Variants in IGF1 observed in about 807,000 individuals in gnomAD.
IGF1 encodes the protein insulin-like growth factor 1.
IGF1 carries 4 observed loss-of-function variants against 13.8 expected under a neutral mutation model. That is an observed-to-expected ratio of 0.29 (90% CI 0.14 to 0.66). The LOEUF (loss-of-function observed/expected upper bound fraction) is 0.66. Among genes scored for constraint, IGF1 ranks in the 30% least tolerant of loss-of-function variants. The pLI is 0.78. For missense variants in IGF1, 124 were observed against 188.5 expected, an observed-to-expected ratio of 0.66 and a Z score of 2.00; for synonymous variants, 76 against 72.6, an observed-to-expected ratio of 1.05 and a Z score of -0.23.
intron 3 of IGF1, among the ~76,000 whole-genome samples, chr12:102,414,202 T>C (rs1874887702): frequency 6.6e-6 from 1 of 151,930 alleles, no homozygotes; most frequent in South Asian, 2.1e-4. Flanking sequence ...ATGCACACAC[T>C]ACACTCACAC....
chr12:102,439,782 G>A (rs1044211504), intron 2 of IGF1, among the ~76,000 whole-genome samples: 15 of 150,554 alleles, frequency 1.0e-4, no homozygotes, highest in African/African-American at 3.7e-4. Context: ...AAAAAGAAAA[G>A]GCTAAGAAGT....
At chr12:102,471,155 T>A (rs551573508) in intron 2 of IGF1, among the ~76,000 whole-genome samples, 1 of 152,252 alleles carries the variant, frequency 6.6e-6, no homozygotes, top group East Asian at 1.9e-4. Flanking sequence ...CTGGGTGGAA[T>A]CTCCTATCTC....
chr12:102,473,993 C>G (rs1041008720), intron 2 of IGF1, among the ~76,000 whole-genome samples: 1 of 152,124 alleles, frequency 6.6e-6, no homozygotes, highest in African/African-American at 2.4e-5. Flanking sequence ...CACTTCTAGG[C>G]TTGGCAATTA....
At chr12:102,404,686 A>G (rs1873982245) in intron 3 of IGF1, among the ~76,000 whole-genome samples, 1 of 151,968 alleles carries the variant, frequency 6.6e-6, no homozygotes, top group Non-Finnish European at 1.5e-5. Context: ...ACAAAAGACC[A>G]CTTAAGATAC....
At chr12:102,457,192 C>A (rs1276154075) in intron 2 of IGF1, among the ~76,000 whole-genome samples, 1 of 152,164 alleles carries the variant, frequency 6.6e-6, no homozygotes, top group Non-Finnish European at 1.5e-5. Flanking sequence ...TTCAAATATA[C>A]CCAGACATTC....
At chr12:102,420,633 C>A (rs1213074053) in intron 2 of IGF1, among the ~76,000 whole-genome samples, 1 of 152,058 alleles carries the variant, frequency 6.6e-6, no homozygotes, top group Non-Finnish European at 1.5e-5. Context: ...CTCTTACCAC[C>A]CCAAGAGGCC....
intron 3 of IGF1, among the ~76,000 whole-genome samples, chr12:102,403,464 T>G (rs909156356): frequency 2.1e-5 from 3 of 142,536 alleles, no homozygotes; most frequent in Admixed American, 1.4e-4. Flanking sequence ...ATAGTGAGGG[T>G]TTTTTTTTTT....
At position 102,402,135 on chromosome 12, in the gene IGF1, T is replaced by G. The variant is rs895872210; in HGVS notation, c.*372A>C. On this transcript the variant is annotated 3_prime_UTR_variant, in exon 4 of 4. Transcript: ENST00000337514. ...CACTTAGACAAGGTTGCTGAATGAA[T>G]GGCTCCAGCAGCCAAGATTCAGAGA... is the stretch of plus-strand genomic sequence containing the variant. The G allele has an allele frequency of 1.3e-5, 2 of 157,420 alleles. No homozygotes were observed. The highest frequency in any genetic ancestry group is 1.3e-4 in the Admixed American group (2 of 15,732). 9.8% of individuals were successfully genotyped at this position (157,420 alleles called of 1,614,324 possible). A position where few individuals can be genotyped will look rare whatever the true frequency, so the allele number is the denominator to read the frequency against.
chr12:102,407,224 T>A (rs1347249865), intron 3 of IGF1, among the ~76,000 whole-genome samples: 7 of 150,636 alleles, frequency 4.6e-5, no homozygotes, highest in African/African-American at 1.7e-4. Context: ...TATCACTGAA[T>A]CCTTACAATC....
chr12:102,402,635 G>A (rs1414505569), intron 3 of IGF1, 69 bp from the exon 4 acceptor site: 4 of 775,892 alleles, frequency 5.2e-6, no homozygotes, highest in South Asian at 1.3e-5. Flanking sequence ...TTCTAACATT[G>A]GGCCTCAACC....
chr12:102,441,906 G>GCTGCTGCTTCTGCTTCTTCTT, intron 2 of IGF1, among the ~76,000 whole-genome samples: 2 of 100,292 alleles, frequency 2.0e-5, no homozygotes, highest in East Asian at 3.1e-4. Context: ...CTATTACACT[G>GCTGCTGCTTCTGCTTCTTCTT]CTTCTTCTCC....
rs57468885 is a variant in IGF1, at chr12:102,407,094, C to CAAAAA, written c.403-4533_403-4529dup. 7.1e-4 allele frequency among the ~76,000 whole-genome samples: 72 copies of CAAAAA among 100,958 alleles called. 1 individual carries two copies. The highest frequency in any genetic ancestry group is 1.1e-3 in the Non-Finnish European group (58 of 52,944). The allele number at this position is 100,958 out of a possible 152,430, so 66.2% of individuals were successfully genotyped here. On this transcript the variant is annotated intron_variant, in intron 3 of 3. Coordinates refer to ENST00000337514, the MANE Select transcript of IGF1 (RefSeq NM_000618.5). The stretch of plus-strand genomic sequence containing the variant: ...TGGCGACAGAGTAAAACTCTGTCTC[C>CAAAAA]AAAAAAAAAAAAAAAAAAAAAAAAA...
chr12:102,408,793 C>A (rs1188881650), intron 3 of IGF1, among the ~76,000 whole-genome samples: 9 of 152,146 alleles, frequency 5.9e-5, no homozygotes, highest in Non-Finnish European at 1.2e-4. Context: ...GATGACTTTG[C>A]TGAACTTTCC....
Position 102,460,241 on chromosome 12 carries a change from C to T in IGF1, c.220+15402G>A, listed in dbSNP as rs796962212. Among the ~76,000 whole-genome samples, 92 of 152,244 alleles carry T rather than the reference C, an allele frequency of 6.0e-4. 2 individuals are homozygous for T. Among genetic ancestry groups the T allele is most frequent in the South Asian group, 1.2e-3 (6 of 4,818 alleles). On this transcript the variant is annotated intron_variant, in intron 2 of 3. Coordinates refer to ENST00000337514, the MANE Select transcript of IGF1 (RefSeq NM_000618.5). ...ACAAAACATGTCTGTGGACTAGATG[C>T]AGGTGGGGTGGGAGTGGAAACGTTT...
At chr12:102,451,595 G>A (rs139427973) in intron 2 of IGF1, among the ~76,000 whole-genome samples, 51 of 152,302 alleles carry the variant, frequency 3.3e-4, no homozygotes, top group African/African-American at 1.1e-3. Context: ...CCAACCATTG[G>A]GAAGGAAAGA....
At chr12:102,440,176 G>A (rs752072623) in intron 2 of IGF1, among the ~76,000 whole-genome samples, 4 of 152,174 alleles carry the variant, frequency 2.6e-5, no homozygotes, top group Middle Eastern at 6.8e-3. Context: ...GTCCAAATCC[G>A]CATGGCTTCC....
chr12:102,411,941 G>A (rs538407393), intron 3 of IGF1, among the ~76,000 whole-genome samples: 1 of 152,168 alleles, frequency 6.6e-6, no homozygotes, highest in African/African-American at 2.4e-5. Context: ...TAAGGGCAGG[G>A]GATGATAGAA....
Position 102,396,145 on chromosome 12 carries a change from G to A in IGF1, c.*6362C>T, listed in dbSNP as rs1873162803. Reference sequence around the variant, plus strand: ...AACGAATGGCCAGTCATTATTTTCTGGTTTCAAAGTAGCAGGGGAAATTAA... The same window carrying A: ...AACGAATGGCCAGTCATTATTTTCTAGTTTCAAAGTAGCAGGGGAAATTAA... On this transcript the variant is annotated 3_prime_UTR_variant, in exon 4 of 4. Coordinates refer to ENST00000337514, the MANE Select transcript of IGF1 (RefSeq NM_000618.5). 1.3e-5 allele frequency: 2 copies of A among 152,112 alleles called. No individual in the cohort carries two copies. The highest frequency in any genetic ancestry group is 6.6e-5 in the Admixed American group (1 of 15,264). 9.4% of individuals were successfully genotyped at this position (152,112 alleles called of 1,614,324 possible).
intron 3 of IGF1, among the ~76,000 whole-genome samples, chr12:102,412,530 C>T (rs1299021791): frequency 3.3e-5 from 5 of 152,096 alleles, no homozygotes; most frequent in Non-Finnish European, 7.4e-5. Context: ...CTTGATGCAC[C>T]TTTAGCATTC....
Sources: allele counts gnomAD v4.1 joint callset (sites outside exome capture counted in the v4.1 genomes callset), GRCh38; gene constraint gnomAD v4.1.1; transcripts MANE v1.5; gene names NCBI Gene and HGNC (gene_info 2026-07-23, HGNC 2026-07-21).